Variants in ZNF536 observed in about 807,000 individuals in gnomAD.
The protein encoded by ZNF536 is zinc finger protein 536.
ZNF536 carries 13 observed loss-of-function variants against 84.5 expected under a neutral mutation model. That is an observed-to-expected ratio of 0.15 (90% CI 0.10 to 0.24). The LOEUF is 0.24. ZNF536 is among the 10% of genes least tolerant of loss of function. The pLI, the probability that ZNF536 is intolerant of heterozygous loss-of-function variation, is 1.00. For synonymous variants in ZNF536, 811 were observed against 742.5 expected (o/e 1.09, Z -1.50); for missense variants, 1,536 against 1,747.5 (o/e 0.88, Z 2.16).
intron 1 of ZNF536, among the ~76,000 whole-genome samples, chr19:30,671,304 T>C (rs1218259569): frequency 6.6e-6 from 1 of 152,168 alleles, no homozygotes; most frequent in Non-Finnish European, 1.5e-5. Context: ...CGTGACATAG[T>C]TGGGGGCTTC....
chr19:30,469,725 C>T (rs1412562532), intron 2 of ZNF536, among the ~76,000 whole-genome samples: 1 of 152,280 alleles, frequency 6.6e-6, no homozygotes, highest in East Asian at 1.9e-4. Context: ...GCCTGGCTTA[C>T]AGCTCCCACC....
At chr19:30,337,875 A>G (rs545722020) in intron 2 of ZNF536, among the ~76,000 whole-genome samples, 325 of 152,280 alleles carry the variant, frequency 2.1e-3, no homozygotes, top group African/African-American at 7.5e-3. Context: ...TGTTAACTGT[A>G]CTCCTCAATA....
At chr19:30,354,644 C>A (rs559982255) in intron 3 of ZNF536, among the ~76,000 whole-genome samples, 2 of 152,130 alleles carry the variant, frequency 1.3e-5, no homozygotes, top group African/African-American at 4.8e-5. Context: ...GGAGATTTTC[C>A]CAGACTGGAA....
intron 1 of ZNF536, among the ~76,000 whole-genome samples, chr19:30,606,679 G>A (rs1343468028): frequency 6.6e-6 from 1 of 152,146 alleles, no homozygotes; most frequent in Non-Finnish European, 1.5e-5. Context: ...ATGGTCCTGA[G>A]TGTGAATTGA....
intron 2 of ZNF536, among the ~76,000 whole-genome samples, chr19:30,321,910 G>T (rs758970119): frequency 1.2e-4 from 18 of 151,532 alleles, no homozygotes; most frequent in Non-Finnish European, 1.9e-4. Context: ...TTGAGTAACT[G>T]GAATTATAGG....
chr19:30,708,544 C>T (rs538171160), intron 1 of ZNF536, among the ~76,000 whole-genome samples: 23 of 152,208 alleles, frequency 1.5e-4, no homozygotes, highest in Admixed American at 7.9e-4. Context: ...GACAGGCTGG[C>T]GGTGGGAAAC....
intron 2 of ZNF536, among the ~76,000 whole-genome samples, chr19:30,468,009 G>A (rs1442278922): frequency 1.3e-5 from 2 of 152,252 alleles, no homozygotes; most frequent in African/African-American, 4.8e-5. Flanking sequence ...ACCCCACAGT[G>A]CCTGGAGCTC....
intron 1 of ZNF536, among the ~76,000 whole-genome samples, chr19:30,377,770 T>C (rs1028544437): frequency 6.6e-6 from 1 of 152,222 alleles, no homozygotes; most frequent in African/African-American, 2.4e-5. Context: ...TCTGGGTCTG[T>C]TGAGTAACCA....
intron 2 of ZNF536, among the ~76,000 whole-genome samples, chr19:30,316,431 AAT>A (rs1373890383): frequency 6.6e-6 from 1 of 152,178 alleles, no homozygotes; most frequent in African/African-American, 2.4e-5. Flanking sequence ...ATTGCTTGTT[AAT>A]ATGTTTTCCT....
intron 2 of ZNF536, among the ~76,000 whole-genome samples, chr19:30,330,818 C>A (rs1291723720): frequency 6.6e-6 from 1 of 152,186 alleles, no homozygotes; most frequent in East Asian, 1.9e-4. Context: ...GAAAGCTTGA[C>A]CTGTGGGTCA....
chr19:30,424,397 C>T (rs2051121443), intron 1 of ZNF536, among the ~76,000 whole-genome samples: 1 of 152,184 alleles, frequency 6.6e-6, no homozygotes, highest in Admixed American at 6.5e-5. Flanking sequence ...GAACCTCAAA[C>T]CTGTGCAACA....
intron 1 of ZNF536, among the ~76,000 whole-genome samples, chr19:30,632,155 CTT>C (rs1234446891): frequency 6.6e-6 from 1 of 152,156 alleles, no homozygotes; most frequent in Admixed American, 6.5e-5. Context: ...GAAGAAGTCT[CTT>C]TGGGTTTGGG....
rs184512513 is a variant in ZNF536 at position 30,597,851 on chromosome 19, G to A, written c.169+48337G>A. On this transcript the variant is annotated intron_variant, in intron 1 of 1. Coordinates refer to the ZNF536 transcript ENST00000592773. ...GTTGCATGCATTTGTTATTATTGTC[G>A]TATGCATGTTGTTATTGATATGTGT... Among the ~76,000 whole-genome samples the A allele has an allele frequency of 1.2e-4, 18 of 151,862 alleles. No homozygotes were observed. The East Asian group carries it at 1.5e-3, about 13-fold the overall frequency.
At chr19:30,537,022 C>T (rs923348880) in intron 3 of ZNF536, among the ~76,000 whole-genome samples, 1 of 152,202 alleles carries the variant, frequency 6.6e-6, no homozygotes, top group Non-Finnish European at 1.5e-5. Context: ...ATAGTGCTCA[C>T]AGCATCTGAC....
chr19:30,374,949 G>T (rs1334174586), intron 1 of ZNF536, among the ~76,000 whole-genome samples: 2 of 151,908 alleles, frequency 1.3e-5, no homozygotes, highest in Non-Finnish European at 2.9e-5. Context: ...GTTAATTGAG[G>T]ATCATTGTTG....
chr19:30,385,401 T>G (rs1032868593), intron 1 of ZNF536, among the ~76,000 whole-genome samples: 2 of 152,122 alleles, frequency 1.3e-5, no homozygotes, highest in African/African-American at 4.8e-5. Flanking sequence ...GGGGGACAGC[T>G]GCCTGACGGG....
chr19:30,383,735 C>A, intron 1 of ZNF536, among the ~76,000 whole-genome samples: 1 of 6,806 alleles, frequency 1.5e-4, no homozygotes, highest in East Asian at 5.8e-4. Context: ...TTCTTTCTTT[C>A]TTTCTTTCTC....
rs1040660006 is a variant in ZNF536, at chr19:30,438,490, A to T, written c.-2-5071A>T. ...GAAGGGTCAGTGGGGCGTGTAGGCT[A>T]AAGTGCTCTGGCAGCAGGGTTGGGG... On this transcript the variant is annotated intron_variant, in intron 1 of 4. Transcript: ENST00000355537. 3.9e-5 allele frequency among the ~76,000 whole-genome samples: 6 copies of T among 152,258 alleles called. No homozygotes were observed. The East Asian group carries it at 9.7e-4, about 25-fold the overall frequency.
At chr19:30,531,229 C>G (rs2044802414) in intron 2 of ZNF536, among the ~76,000 whole-genome samples, 1 of 152,122 alleles carries the variant, frequency 6.6e-6, no homozygotes, top group South Asian at 2.1e-4. Context: ...CCACACATAT[C>G]CAAGATAGAA....
Sources: gnomAD v4.1 joint callset for allele counts (sites outside exome capture counted in the v4.1 genomes callset) on GRCh38, gnomAD v4.1.1 for gene constraint, MANE v1.5 for transcripts, NCBI Gene and HGNC (gene_info 2026-07-23, HGNC 2026-07-21) for gene names.